The following NRXN3 variants were observed in gnomAD, a reference collection of about 807,000 sequenced individuals.
The protein encoded by NRXN3 is neurexin 3.
A neutral mutation model predicts 137.6 loss-of-function variants in NRXN3; 32 were observed. That is an observed-to-expected ratio of 0.23 (90% CI 0.18 to 0.31). The LOEUF is 0.31. NRXN3 is among the 10% of genes least tolerant of loss of function. The pLI is 1.00. For synonymous variants in NRXN3, 798 were observed against 784.5 expected, an observed-to-expected ratio of 1.02 and a Z score of -0.29; for missense variants, 1,574 against 2,062.5, an observed-to-expected ratio of 0.76 and a Z score of 4.59.
chr14:79,095,310 CT>C (rs1280505979), intron 15 of NRXN3, among the ~76,000 whole-genome samples: 1 of 152,104 alleles, frequency 6.6e-6, no homozygotes, highest in Non-Finnish European at 1.5e-5. Context: ...TCTATAATTT[CT>C]TTCTTTCCCT....
intron 15 of NRXN3, among the ~76,000 whole-genome samples, chr14:79,399,909 A>C (rs1047260108): frequency 1.3e-5 from 2 of 152,236 alleles, no homozygotes; most frequent in South Asian, 4.2e-4. Flanking sequence ...GCGGCCATCA[A>C]TTCTGGGCTT....
At chr14:78,717,353 G>A (rs1475636843) in intron 8 of NRXN3, among the ~76,000 whole-genome samples, 1 of 152,134 alleles carries the variant, frequency 6.6e-6, no homozygotes, top group Non-Finnish European at 1.5e-5. Flanking sequence ...GGATATATGA[G>A]GGACAATTAT....
At chr14:78,522,022 A>G (rs1250097524) in intron 4 of NRXN3, among the ~76,000 whole-genome samples, 1 of 152,128 alleles carries the variant, frequency 6.6e-6, no homozygotes. Flanking sequence ...AAATATTTTT[A>G]CTGTTTATTT....
chr14:79,464,460 A>G (rs2096395499), intron 15 of NRXN3, among the ~76,000 whole-genome samples: 1 of 152,098 alleles, frequency 6.6e-6, no homozygotes, highest in South Asian at 2.1e-4. Flanking sequence ...TATATAAGAA[A>G]TTATATATTT....
intron 15 of NRXN3, among the ~76,000 whole-genome samples, chr14:79,245,928 A>G (rs947077207): frequency 1.3e-5 from 2 of 152,292 alleles, no homozygotes; most frequent in Non-Finnish European, 2.9e-5. Flanking sequence ...TAAGGTGTCA[A>G]GGGTCATAGG....
intron 16 of NRXN3, among the ~76,000 whole-genome samples, chr14:79,514,715 A>G (rs2096965637): frequency 6.6e-6 from 1 of 152,156 alleles, no homozygotes; most frequent in East Asian, 1.9e-4. Context: ...AGCTAGAACC[A>G]TGGCTCACCT....
At chr14:79,517,522 G>A (rs1454914336) in intron 16 of NRXN3, among the ~76,000 whole-genome samples, 3 of 152,028 alleles carry the variant, frequency 2.0e-5, no homozygotes, top group Non-Finnish European at 2.9e-5. Flanking sequence ...CACTTAATTA[G>A]AAGGGAGGAC....
At chr14:78,441,875 T>A (rs766043035) in intron 4 of NRXN3, among the ~76,000 whole-genome samples, 4 of 151,952 alleles carry the variant, frequency 2.6e-5, no homozygotes, top group Non-Finnish European at 5.9e-5. Flanking sequence ...GGCAGGTGGG[T>A]CATCTGAGGT....
At chr14:79,052,769 C>T (rs1431565896) in intron 15 of NRXN3, among the ~76,000 whole-genome samples, 5 of 152,184 alleles carry the variant, frequency 3.3e-5, no homozygotes, top group African/African-American at 4.8e-5. Flanking sequence ...GGATTCACCT[C>T]GCCTGCCCAT....
intron 15 of NRXN3, among the ~76,000 whole-genome samples, chr14:79,159,237 G>A (rs2060534167): frequency 6.6e-6 from 1 of 151,608 alleles, no homozygotes; most frequent in South Asian, 2.1e-4. Flanking sequence ...CCATTGCTTT[G>A]ATTGTGCTTT....
At chr14:79,653,247 C>T (rs1044846226) in intron 16 of NRXN3, among the ~76,000 whole-genome samples, 26 of 152,228 alleles carry the variant, frequency 1.7e-4, no homozygotes, top group Non-Finnish European at 2.2e-4. Context: ...ACTCAAGTGA[C>T]TCAAGTATTT....
intron 16 of NRXN3, among the ~76,000 whole-genome samples, chr14:79,525,044 G>A (rs6574509): frequency 0.066 from 10,117 of 152,148 alleles, 756 homozygotes; most frequent in African/African-American, 0.18. Flanking sequence ...CAGTTTCTGC[G>A]TGGTCAGTTT....
intron 15 of NRXN3, among the ~76,000 whole-genome samples, chr14:79,399,008 C>CA (rs34172134): frequency 0.082 from 6,242 of 76,072 alleles, 843 homozygotes; most frequent in African/African-American, 0.25. Flanking sequence ...GACTCCATCT[C>CA]AAAAAAAAAA....
intron 6 of NRXN3, among the ~76,000 whole-genome samples, chr14:78,684,235 A>G (rs1468549158): frequency 1.3e-5 from 2 of 152,120 alleles, no homozygotes; most frequent in African/African-American, 4.8e-5. Flanking sequence ...CAGGCCCTGG[A>G]TGTGTGGAGT....
intron 4 of NRXN3, among the ~76,000 whole-genome samples, chr14:78,596,973 T>C (rs564461039): frequency 6.6e-6 from 1 of 152,366 alleles, no homozygotes; most frequent in South Asian, 2.1e-4. Context: ...TTCGTTGTTA[T>C]TTGACACTGA....
chr14:78,535,865 G>A (rs1204114566), intron 4 of NRXN3, among the ~76,000 whole-genome samples: 1 of 152,144 alleles, frequency 6.6e-6, no homozygotes, highest in Non-Finnish European at 1.5e-5. Flanking sequence ...CTTGCCATTA[G>A]TAAGAACCAA....
chr14:79,423,953 C>A (rs1016457610), intron 15 of NRXN3, among the ~76,000 whole-genome samples: 4 of 152,144 alleles, frequency 2.6e-5, no homozygotes, highest in Non-Finnish European at 5.9e-5. Context: ...GATGGGAATG[C>A]TGTAGGTAGC....
chr14:79,630,643 A>C (rs769155407), intron 16 of NRXN3, among the ~76,000 whole-genome samples: 29 of 152,178 alleles, frequency 1.9e-4, no homozygotes, highest in Non-Finnish European at 4.0e-4. Context: ...CAATTTTCAC[A>C]GTTCTGACTG....
In NRXN3 at chr14:79,663,317, A is replaced by T. The variant is rs369252115; in HGVS notation, c.3445-461A>T. Among the ~76,000 whole-genome samples, 6 of 151,912 alleles carry T rather than the reference A, an allele frequency of 3.9e-5. No homozygotes were observed. The East Asian group carries it at 9.7e-4, about 25-fold the overall frequency. On this transcript the variant is annotated intron_variant, in intron 16 of 20. Transcript: ENST00000335750. ...CCAGCCCCTCTGACATTGGCTCCTA[A>T]CCATTCTGTACACCTCTGCTTTGCC... is the stretch of plus-strand genomic sequence containing the variant.
Sources: allele counts gnomAD v4.1 joint callset (sites outside exome capture counted in the v4.1 genomes callset), GRCh38; gene constraint gnomAD v4.1.1; transcripts MANE v1.5; gene names NCBI Gene and HGNC (gene_info 2026-07-23, HGNC 2026-07-21).